Variants in LTBP2 observed in about 807,000 individuals in gnomAD.
LTBP2 encodes latent transforming growth factor beta binding protein 2.
Under a neutral mutation model 210.6 loss-of-function variants are expected in LTBP2, and 103 were observed. That is an observed-to-expected ratio of 0.49 (90% CI 0.42 to 0.58). The LOEUF is 0.58. Ranked by LOEUF, LTBP2 falls within the 20% of genes least tolerant of loss-of-function variation. LTBP2 has a pLI of 0.00. For synonymous variants in LTBP2, 1,007 were observed against 1,015.0 expected (o/e 0.99, Z 0.15); for missense variants, 2,313 against 2,494.5 (o/e 0.93, Z 1.55).
At chr14:74,524,985 C>G (rs543535153) in intron 15 of LTBP2, 139 bp downstream of exon 15, 1 of 451,118 alleles carries the variant, frequency 2.2e-6, no homozygotes, top group East Asian at 3.3e-5. Flanking sequence ...CACAGCCCAG[C>G]TGGGAGCCTG....
At chr14:74,590,367 C>T (rs2088265426) in intron 2 of LTBP2, among the ~76,000 whole-genome samples, 1 of 152,168 alleles carries the variant, frequency 6.6e-6, no homozygotes, top group Non-Finnish European at 1.5e-5. Context: ...TTCATGATTG[C>T]AAAGATATGG....
At position 74,590,540 on chromosome 14, in the gene LTBP2, C is replaced by T. The variant is rs201171817; in HGVS notation, c.566-4422G>A. Among the ~76,000 whole-genome samples, 6 of 151,880 alleles carry T rather than the reference C, an allele frequency of 4.0e-5. No homozygotes were observed. In the East Asian group the frequency reaches 7.7e-4, roughly 20 times the overall value. On this transcript the variant is annotated intron_variant, in intron 2 of 35. Transcript: ENST00000261978. ...GAATCACTTAAACCCAGGAGTGAGC[C>T]GAGATCGTGCTACTGCACTCCAGCA...
chr14:74,531,452 C>T (rs761755839), intron 10 of LTBP2, among the ~76,000 whole-genome samples: 2 of 152,200 alleles, frequency 1.3e-5, no homozygotes, highest in Non-Finnish European at 2.9e-5. Flanking sequence ...GATCACCTGC[C>T]ACTGCCACCA....
At chr14:74,505,234 C>T in intron 28 of LTBP2, 60 bp from the exon 29 acceptor site, 1 of 1,553,100 alleles carries the variant, frequency 6.4e-7, no homozygotes, top group East Asian at 2.3e-5. Flanking sequence ...GGTCAATAGT[C>T]CTTGACTTTA....
chr14:74,572,969 CA>C (rs1256123278), intron 3 of LTBP2, among the ~76,000 whole-genome samples: 1 of 152,218 alleles, frequency 6.6e-6, no homozygotes, highest in Non-Finnish European at 1.5e-5. Context: ...AACATAGCTA[CA>C]AGCTTGAAAT....
intron 1 of LTBP2, among the ~76,000 whole-genome samples, chr14:74,610,012 T>C (rs1040164888): frequency 3.3e-5 from 5 of 152,212 alleles, no homozygotes; most frequent in African/African-American, 1.2e-4. Context: ...GGGTCTACTC[T>C]CTGCCTGCTT....
chr14:74,530,066 T>A (rs913862840), intron 10 of LTBP2, among the ~76,000 whole-genome samples: 1 of 152,224 alleles, frequency 6.6e-6, no homozygotes, highest in African/African-American at 2.4e-5. Context: ...ATGAGAATGA[T>A]GATTCCATCG....
chr14:74,583,922 C>G (rs561580258), intron 3 of LTBP2, among the ~76,000 whole-genome samples: 1 of 152,188 alleles, frequency 6.6e-6, no homozygotes, highest in Non-Finnish European at 1.5e-5. Context: ...CCATGGGAAC[C>G]GGCAGGGGCC....
At chr14:74,562,801 G>A (rs1447654471) in intron 3 of LTBP2, among the ~76,000 whole-genome samples, 2 of 152,148 alleles carry the variant, frequency 1.3e-5, no homozygotes, top group African/African-American at 4.8e-5. Context: ...AGACGCTCTC[G>A]GATGCTGCTG....
At position 74,506,840 on chromosome 14, in the gene LTBP2, A is replaced by T. The variant is rs768578221; in HGVS notation, c.3908-17T>A. On this transcript the variant is annotated splice_polypyrimidine_tract_variant and intron_variant, in intron 26 of 35. Transcript: ENST00000261978. ...CGTCTATGTCTGTGGGACAGTGGGA[A>T]CCAGGATAGAGGATGTGTGTGTGTG... is the stretch of plus-strand genomic sequence containing the variant. The T allele has an allele frequency of 6.2e-7, 1 of 1,612,066 alleles. No homozygotes were observed.
chr14:74,523,015 G>A, intron 15 of LTBP2, 97 bp from the exon 16 acceptor site: 3 of 1,439,432 alleles, frequency 2.1e-6, no homozygotes. Flanking sequence ...GGGTCTAGGG[G>A]CCTCAGAAGG....
chr14:74,571,175 T>G (rs1031821330), intron 3 of LTBP2, among the ~76,000 whole-genome samples: 1 of 151,980 alleles, frequency 6.6e-6, no homozygotes, highest in Non-Finnish European at 1.5e-5. Context: ...CTACTAAAAA[T>G]ACAAAAATTA....
chr14:74,514,209 G>A (rs954575439), intron 18 of LTBP2, among the ~76,000 whole-genome samples: 1 of 152,204 alleles, frequency 6.6e-6, no homozygotes, highest in African/African-American at 2.4e-5. Context: ...GGGTATGAAT[G>A]TTAATCTGAG....
chr14:74,551,273 G>A lies in LTBP2; in HGVS notation c.1477C>T (p.Gln493Ter). ...GCCTCCTCCACCCCGCCCCGCACCT[G>A]GGCCACCTGGTGGATCTGCACTGAG... ...EASVQIHQVA[Q>*]VRGGVEEALV... The change falls in exon 7 of 36, where the codon CAG becomes TAG. Residue 493 changes from glutamine to a stop codon, truncating the protein, a stop_gained. Coordinates refer to ENST00000261978, the MANE Select transcript of LTBP2 (RefSeq NM_000428.3). LOFTEE classifies it high-confidence loss of function. 1.2e-6 allele frequency: 2 copies of A among 1,609,246 alleles called. No homozygotes were observed. The highest frequency in any genetic ancestry group is 1.7e-6 in the Non-Finnish European group (2 of 1,178,110).
chr14:74,552,161 G>A (rs377272390), intron 6 of LTBP2, 26 bp downstream of exon 6: 302 of 1,565,842 alleles, frequency 1.9e-4, no homozygotes, highest in Middle Eastern at 1.6e-3. Context: ...CCAGGGTCCC[G>A]CCGGCCCAGC....
intron 9 of LTBP2, among the ~76,000 whole-genome samples, chr14:74,532,896 G>A (rs2087370052): frequency 6.6e-6 from 1 of 152,174 alleles, no homozygotes; most frequent in Non-Finnish European, 1.5e-5. Context: ...CTGGAGTGCA[G>A]GGGTGTGATC....
chr14:74,603,797 G>T, intron 1 of LTBP2, 92 bp from the exon 2 acceptor site: 2 of 1,031,640 alleles, frequency 1.9e-6, no homozygotes, highest in South Asian at 1.3e-5. Flanking sequence ...CTAGAGGCAG[G>T]GCCTGGAGGA....
intron 17 of LTBP2, among the ~76,000 whole-genome samples, chr14:74,521,538 C>A (rs2087202890): frequency 6.6e-6 from 1 of 152,194 alleles, no homozygotes; most frequent in South Asian, 2.1e-4. Context: ...GTAGTCCCAG[C>A]CTGGCATCCT....
chr14:74,579,985 G>A (rs931013609), intron 3 of LTBP2, among the ~76,000 whole-genome samples: 3 of 152,198 alleles, frequency 2.0e-5, no homozygotes, highest in African/African-American at 7.2e-5. Flanking sequence ...AGTCATGCTC[G>A]AGGTGCTGGA....
Sources: gnomAD v4.1 joint callset for allele counts (sites outside exome capture counted in the v4.1 genomes callset) on GRCh38, gnomAD v4.1.1 for gene constraint, MANE v1.5 for transcripts, NCBI Gene and HGNC (gene_info 2026-07-23, HGNC 2026-07-21) for gene names.